Variants in ENTPD3 observed in about 807,000 individuals in gnomAD.
ENTPD3 encodes ectonucleoside triphosphate diphosphohydrolase 3.
In ENTPD3, 60 loss-of-function variants were observed where a neutral mutation model predicts 51.2. The observed-to-expected ratio is 1.17, with a 90% CI of 0.95 to 1.45. The LOEUF is 1.45. Ranked by LOEUF, ENTPD3 falls within the 40% of genes most tolerant of loss-of-function variation. The pLI, the probability that ENTPD3 is intolerant of heterozygous loss-of-function variation, is 0.00. For missense variants in ENTPD3, 593 were observed against 641.1 expected (o/e 0.93, Z 0.81); for synonymous variants, 221 against 238.4 (o/e 0.93, Z 0.67).
chr3:40,408,118 A>G (rs754483447), intron 4 of ENTPD3, among the ~76,000 whole-genome samples: 20 of 152,206 alleles, frequency 1.3e-4, no homozygotes, highest in Non-Finnish European at 2.1e-4. Flanking sequence ...AAAGGGGGGC[A>G]GGAAAACTGT....
chr3:40,400,795 G>A (rs1955335478), intron 3 of ENTPD3, 99 bp from the exon 4 acceptor site: 2 of 823,694 alleles, frequency 2.4e-6, no homozygotes, highest in South Asian at 1.7e-5. Context: ...AAGCGAAGCA[G>A]TGTGGATTAA....
intron 7 of ENTPD3, among the ~76,000 whole-genome samples, chr3:40,420,720 T>A (rs935721533): frequency 6.6e-6 from 1 of 152,178 alleles, no homozygotes; most frequent in Non-Finnish European, 1.5e-5. Context: ...TTGGGTTATA[T>A]TTGATGAATA....
At chr3:40,409,128 T>C (rs1214767032) in intron 4 of ENTPD3, among the ~76,000 whole-genome samples, 1 of 151,942 alleles carries the variant, frequency 6.6e-6, no homozygotes, top group East Asian at 1.9e-4. Flanking sequence ...GGTGCATACC[T>C]GTAGTCCCAG....
intron 10 of ENTPD3, chr3:40,424,200 G>T (rs1410282374): frequency 2.3e-5 from 23 of 982,626 alleles, no homozygotes; most frequent in Middle Eastern, 5.2e-4. Flanking sequence ...GGACTAGGCG[G>T]TCCTGGAGGG....
intron 2 of ENTPD3, among the ~76,000 whole-genome samples, chr3:40,390,555 G>T (rs1290268961): frequency 2.0e-5 from 3 of 152,094 alleles, no homozygotes; most frequent in Non-Finnish European, 4.4e-5. Context: ...AAAAAATTAG[G>T]TATAACTTCT....
rs1372752633 is a variant in ENTPD3, at chr3:40,428,436, C to G, written c.*928C>G. The G allele has an allele frequency of 6.6e-6, 1 of 152,182 alleles. No homozygotes were observed. The highest frequency in any genetic ancestry group is 2.4e-5 in the African/African-American group (1 of 41,444). The allele number at this position is 152,182 out of a possible 1,614,324, so 9.4% of individuals were successfully genotyped here. On this transcript the variant is annotated 3_prime_UTR_variant, in exon 11 of 11. Coordinates refer to ENST00000301825, the MANE Select transcript of ENTPD3 (RefSeq NM_001248.4). ...AATTACTTTCCCAGATCATAGACCTCTCTGCATAGTAGTCATAGGTCTTGA... is the reference window on the plus strand; with the variant it reads ...AATTACTTTCCCAGATCATAGACCTGTCTGCATAGTAGTCATAGGTCTTGA...
chr3:40,419,371 T>C (rs1955814352), intron 7 of ENTPD3, among the ~76,000 whole-genome samples: 1 of 87,792 alleles, frequency 1.1e-5, no homozygotes, highest in Non-Finnish European at 2.9e-5. Flanking sequence ...AACATTCTAA[T>C]AATAAGTACT....
rs373321245 is a variant in ENTPD3, at chr3:40,427,473, G to A, written c.1555G>A (p.Glu519Lys). Residue 519 changes from glutamate (E) to lysine (K), a missense_variant, in exon 11 of 11, where the codon GAG (glutamate) becomes AAG (lysine). Coordinates refer to ENST00000301825, the MANE Select transcript of ENTPD3 (RefSeq NM_001248.4). ...AGCAACCAGAAGAAAGAGGCACTCC[G>A]AGCATGCCTTTGACCATGCAGTGGA... ...CSATRRKRHSEHAFDHAVDSD is the reference protein window; with the variant it reads ...CSATRRKRHSKHAFDHAVDSD 63 of 1,613,962 alleles carry A rather than the reference G, an allele frequency of 3.9e-5. No individual in the cohort carries two copies. Among genetic ancestry groups the A allele is most frequent in the Middle Eastern group, 1.6e-4 (1 of 6,082 alleles).
intron 5 of ENTPD3, among the ~76,000 whole-genome samples, chr3:40,414,260 T>A (rs148064318): frequency 3.1e-4 from 47 of 152,322 alleles, no homozygotes; most frequent in African/African-American, 1.1e-3. Context: ...CTAAGCTCCC[T>A]TTCCGTCTGG....
chr3:40,403,529 GCT>G (rs1328769569), intron 4 of ENTPD3, among the ~76,000 whole-genome samples: 2 of 152,174 alleles, frequency 1.3e-5, no homozygotes, highest in African/African-American at 4.8e-5. Context: ...GAGCAAGGCA[GCT>G]CTCTGCAGCT....
At chr3:40,426,751 G>A (rs115129605) in intron 10 of ENTPD3, among the ~76,000 whole-genome samples, 1 of 152,106 alleles carries the variant, frequency 6.6e-6, no homozygotes. Context: ...GACACAGAGG[G>A]TTACAACATA....
At chr3:40,387,656 T>C (rs562606140) in intron 1 of ENTPD3, among the ~76,000 whole-genome samples, 43 of 152,238 alleles carry the variant, frequency 2.8e-4, no homozygotes, top group Admixed American at 1.1e-3. Context: ...TCGCGATCCA[T>C]GAACACACAA....
chr3:40,397,115 G>GTTTATTTT (rs1437880969), intron 3 of ENTPD3, among the ~76,000 whole-genome samples: 1 of 23,886 alleles, frequency 4.2e-5, no homozygotes, highest in Non-Finnish European at 9.7e-5. Flanking sequence ...TGGATAATTA[G>GTTTATTTT]TTTCTTTTTT....
In ENTPD3 at chr3:40,388,585, GACACACACACAC is replaced by G. The variant is rs55657804; in HGVS notation, c.40+517_40+528del. On this transcript the variant is annotated intron_variant, in intron 2 of 10. Coordinates refer to ENST00000301825, the MANE Select transcript of ENTPD3 (RefSeq NM_001248.4). ...TCACACTGGAAGGCACACACACACA[GACACACACACAC>G]ACACACACACACACACACACACACA... 3.8e-3 allele frequency among the ~76,000 whole-genome samples: 479 copies of G among 126,276 alleles called. 1 individual carries two copies. The highest frequency in any genetic ancestry group is 0.012 in the African/African-American group (440 of 36,518). The allele number at this position is 126,276 out of a possible 152,430, so 82.8% of individuals were successfully genotyped here. A position where few individuals can be genotyped will look rare whatever the true frequency, so the allele number is the denominator to read the frequency against.
At chr3:40,421,896 GA>G (rs1321062894) in intron 7 of ENTPD3, among the ~76,000 whole-genome samples, 1 of 152,194 alleles carries the variant, frequency 6.6e-6, no homozygotes, top group East Asian at 1.9e-4. Context: ...ATTGTTTCCA[GA>G]AAAAGGCCTG....
At chr3:40,411,988 C>A in intron 5 of ENTPD3, 26 bp downstream of exon 5, 4 of 1,592,772 alleles carry the variant, frequency 2.5e-6, no homozygotes, top group Non-Finnish European at 2.6e-6. Flanking sequence ...CACAAAGGAG[C>A]CCATTTGACC....
intron 2 of ENTPD3, chr3:40,391,244 G>A (rs1397642990): frequency 6.6e-6 from 1 of 152,054 alleles, no homozygotes; most frequent in African/African-American, 2.4e-5. Flanking sequence ...GATTACAGGG[G>A]TCAGCCATCT....
chr3:40,416,304 C>T (rs6793596), intron 7 of ENTPD3, among the ~76,000 whole-genome samples: 37,954 of 152,126 alleles, frequency 0.25, 5,741 homozygotes, highest in East Asian at 0.48. Flanking sequence ...AGTAAGAAGT[C>T]TAGGGAAGTT....
intron 7 of ENTPD3, among the ~76,000 whole-genome samples, chr3:40,420,787 C>T (rs1204739301): frequency 6.6e-6 from 1 of 151,934 alleles, no homozygotes; most frequent in African/African-American, 2.4e-5. Flanking sequence ...TAAATAATTG[C>T]ATTACTTGAA....
Sources: gnomAD v4.1 joint callset for allele counts (sites outside exome capture counted in the v4.1 genomes callset) on GRCh38, gnomAD v4.1.1 for gene constraint, MANE v1.5 for transcripts, NCBI Gene and HGNC (gene_info 2026-07-23, HGNC 2026-07-21) for gene names.